Variants in LXN observed in about 807,000 individuals in gnomAD.
The protein encoded by LXN is MUM.
A neutral mutation model predicts 29.8 loss-of-function variants in LXN; 28 were observed. That is an observed-to-expected ratio of 0.94 (90% CI 0.70 to 1.29). The LOEUF (loss-of-function observed/expected upper bound fraction) is 1.29. Ranked by LOEUF, LXN falls within the 50% of genes most tolerant of loss-of-function variation. The probability of loss-of-function intolerance (pLI) is 0.00; values close to 1 mark genes in which losing one functional copy is unlikely to be tolerated. For missense variants in LXN, 227 were observed against 261.7 expected (o/e 0.87, Z 0.92); for synonymous variants, 77 against 89.6 (o/e 0.86, Z 0.80).
In LXN at chr3:158,672,580, C is replaced by T; in HGVS notation, c.-102G>A. 1 of 1,434,296 alleles carries T rather than the reference C, an allele frequency of 7.0e-7. No homozygotes were observed. 88.8% of individuals were successfully genotyped at this position (1,434,296 alleles called of 1,614,324 possible). ...TTGCTGCTGGGTCCGGTTGCCGAGG[C>T]GGAAAAGTCGCAAGCTCCTTCAGTC... On this transcript the variant is annotated 5_prime_UTR_variant, in exon 1 of 6. Transcript: ENST00000264265.
At chr3:158,669,718 A>G (rs961240884) in intron 2 of LXN, 108 bp from the exon 3 acceptor site, 55 of 1,069,510 alleles carry the variant, frequency 5.1e-5, no homozygotes, top group Non-Finnish European at 4.1e-6. Flanking sequence ...GTTGTTTTAG[A>G]CTAGACTTCA....
chr3:158,666,932 AAATT>A, intron 5 of LXN, 76 bp downstream of exon 5: 1 of 1,534,250 alleles, frequency 6.5e-7, no homozygotes, highest in Non-Finnish European at 8.7e-7. Flanking sequence ...TTTAGAGTCA[AAATT>A]AATAAAGCAT....
intron 2 of LXN, among the ~76,000 whole-genome samples, chr3:158,670,726 G>T (rs1470450374): frequency 3.3e-5 from 5 of 152,146 alleles, no homozygotes; most frequent in African/African-American, 9.7e-5. Context: ...GCTGGGCTTG[G>T]TAGCTCATGC....
In LXN at chr3:158,671,412, G is replaced by T. The variant is rs150857816; in HGVS notation, c.130-393C>A. Among the ~76,000 whole-genome samples, 10 of 152,280 alleles carry T rather than the reference G, an allele frequency of 6.6e-5. No individual in the cohort carries two copies. The East Asian group carries it at 1.5e-3, about 23-fold the overall frequency. ...AAGCTCAGTGTACCCTCCAAATAAT[G>T]TTCAATGAATGTGAATTTCATTTTG... is the stretch of plus-strand genomic sequence containing the variant. On this transcript the variant is annotated intron_variant, in intron 1 of 5. Transcript: ENST00000264265.
chr3:158,668,986 A>C lies in LXN; in HGVS notation c.507+10T>G, dbSNP rs201817096. ...CCCCATTAATAGTGTATTTTATAGA[A>C]ACTACTTACCACTTGCTTGACAGTT... On this transcript the variant is annotated intron_variant, in intron 4 of 5. Transcript: ENST00000264265. The C allele has an allele frequency of 6.3e-7, 1 of 1,599,282 alleles. No individual in the cohort carries two copies. Among genetic ancestry groups the C allele is most frequent in the Admixed American group, 1.7e-5 (1 of 57,996 alleles).
At chr3:158,668,718 A>G (rs1492908) in intron 4 of LXN, among the ~76,000 whole-genome samples, 63,187 of 152,022 alleles carry the variant, frequency 0.42, 14,286 homozygotes, top group African/African-American at 0.6. Flanking sequence ...TGCAACTAAC[A>G]AAGCACAGTT....
At chr3:158,670,556 C>G (rs953725669) in intron 2 of LXN, among the ~76,000 whole-genome samples, 6 of 152,126 alleles carry the variant, frequency 3.9e-5, no homozygotes, top group Non-Finnish European at 7.4e-5. Flanking sequence ...TAGTAAAGAA[C>G]TGATCCTTGT....
rs776127167 is a variant in LXN, at chr3:158,669,658, TATTA to T, written c.193-52_193-49del. The T allele has an allele frequency of 9.9e-6, 15 of 1,510,686 alleles. No homozygotes were observed. In the Middle Eastern group the frequency reaches 5.1e-4, roughly 52 times the overall value. 93.6% of individuals were successfully genotyped at this position (1,510,686 alleles called of 1,614,324 possible). On this transcript the variant is annotated intron_variant, in intron 2 of 5. Coordinates refer to ENST00000264265, the MANE Select transcript of LXN (RefSeq NM_020169.4). ...TCCTTATATACAGAAGGCTATTCAT[TATTA>T]ATTATCATCTTTGAGATATGATTTA...
chr3:158,669,371 G>A, intron 3 of LXN, 62 bp downstream of exon 3: 1 of 1,484,916 alleles, frequency 6.7e-7, no homozygotes, highest in Non-Finnish European at 9.2e-7. Flanking sequence ...TTTAAGCACA[G>A]ATAATTGAGA....
intron 1 of LXN, among the ~76,000 whole-genome samples, chr3:158,671,849 G>A (rs1724350580): frequency 6.6e-6 from 1 of 152,176 alleles, no homozygotes; most frequent in Non-Finnish European, 1.5e-5. Context: ...AGCCCACAGT[G>A]CTTTTATTCT....
chr3:158,668,542 A>G (rs1156654874), intron 4 of LXN, among the ~76,000 whole-genome samples: 1 of 152,234 alleles, frequency 6.6e-6, no homozygotes. Context: ...GGAAAGTATC[A>G]TAGTTAAATC....
intron 2 of LXN, among the ~76,000 whole-genome samples, 157 bp from the exon 3 acceptor site, chr3:158,669,767 TATTAA>T (rs1724093583): frequency 6.6e-6 from 1 of 152,238 alleles, no homozygotes; most frequent in African/African-American, 2.4e-5. Context: ...GGGCCTGGCC[TATTAA>T]ATTCTAGACT....
rs1723815247 is a variant in LXN, at chr3:158,667,401, G to A, written c.508-327C>T. On this transcript the variant is annotated intron_variant, in intron 4 of 5. Coordinates refer to ENST00000264265, the MANE Select transcript of LXN (RefSeq NM_020169.4). Reference sequence around the variant, plus strand: ...TTTAAGAATGCTCTGTGTTTCCATTGTACAGAAAAGCATAATTTATGGGAT... The same window carrying A: ...TTTAAGAATGCTCTGTGTTTCCATTATACAGAAAAGCATAATTTATGGGAT... Among the ~76,000 whole-genome samples, 3 of 152,172 alleles carry A rather than the reference G, an allele frequency of 2.0e-5. No homozygotes were observed. In the South Asian group the frequency reaches 6.2e-4, roughly 31 times the overall value.
In LXN at chr3:158,669,448, C is replaced by T; in HGVS notation, c.355G>A (p.Ala119Thr). 6.2e-7 allele frequency: 1 copy of T among 1,611,994 alleles called. No individual in the cohort carries two copies. The highest frequency in any genetic ancestry group is 8.5e-7 in the Non-Finnish European group (1 of 1,179,288). ...ATTTATATACCTGGAATATTTTGTG[C>T]TTCTAGCGGTTCCTTCATGGACTTA... ...RLKSMKEPLE[A>T]QNIPDNFGNV... The change falls in exon 3 of 6, where the codon GCA becomes ACA. Residue 119 changes from alanine (A) to threonine (T), a missense_variant. Physicochemically the swap from Ala to Thr is moderately conservative, Grantham distance 58 (BLOSUM62 0). Coordinates refer to ENST00000264265, the MANE Select transcript of LXN (RefSeq NM_020169.4).
rs1308846674 is a variant in LXN at position 158,666,429 on chromosome 3, A to T, written c.*217T>A. 1 of 1,524,024 alleles carries T rather than the reference A, an allele frequency of 6.6e-7. No individual in the cohort carries two copies. Among genetic ancestry groups the T allele is most frequent in the East Asian group, 2.3e-5 (1 of 44,408 alleles). The allele number at this position is 1,524,024 out of a possible 1,614,324, so 94.4% of individuals were successfully genotyped here. ...TTAAACATTATGAGGCTGAAATTGA[A>T]GCTTTTTATTTTGGATATACATACC... On this transcript the variant is annotated 3_prime_UTR_variant, in exon 6 of 6. Coordinates refer to ENST00000264265, the MANE Select transcript of LXN (RefSeq NM_020169.4).
At chr3:158,666,915 A>G (rs751968664) in intron 5 of LXN, 97 bp downstream of exon 5, 1 of 1,518,698 alleles carries the variant, frequency 6.6e-7, no homozygotes, top group East Asian at 2.4e-5. Context: ...ATTTACATGA[A>G]TTCTGATTTA....
At chr3:158,670,500 G>A (rs754762836) in intron 2 of LXN, among the ~76,000 whole-genome samples, 1 of 151,944 alleles carries the variant, frequency 6.6e-6, no homozygotes, top group African/African-American at 2.4e-5. Flanking sequence ...GTCTTTTTTT[G>A]TGTAGTTTGG....
rs1723979094 is a variant in LXN at position 158,668,846 on chromosome 3, A to G, written c.507+150T>C. The G allele has an allele frequency of 4.7e-6, 3 of 636,358 alleles. No homozygotes were observed. The East Asian group carries it at 9.8e-5, about 21-fold the overall frequency. 39.4% of individuals were successfully genotyped at this position (636,358 alleles called of 1,614,324 possible). A position where few individuals can be genotyped will look rare whatever the true frequency, so the allele number is the denominator to read the frequency against. Reference sequence around the variant, plus strand: ...TTCCTACAATTCTTCACCTTCTCTAATCTTGATTGTACCTGACCTCCCCTT... The same window carrying G: ...TTCCTACAATTCTTCACCTTCTCTAGTCTTGATTGTACCTGACCTCCCCTT... On this transcript the variant is annotated intron_variant, in intron 4 of 5. Transcript: ENST00000264265.
intron 2 of LXN, 63 bp downstream of exon 2, chr3:158,670,894 C>G: frequency 7.1e-7 from 1 of 1,402,320 alleles, no homozygotes; most frequent in Non-Finnish European, 9.3e-7. Context: ...TGTTCTGCCA[C>G]TGCACTTCAG....
Sources: allele counts gnomAD v4.1 joint callset (sites outside exome capture counted in the v4.1 genomes callset), GRCh38; gene constraint gnomAD v4.1.1; transcripts MANE v1.5; gene names NCBI Gene and HGNC (gene_info 2026-07-23, HGNC 2026-07-21).